The following SLC35D1 variants were observed in gnomAD, a reference collection of about 807,000 sequenced individuals.
The protein encoded by SLC35D1 is nucleotide sugar transporter SLC35D1.
A neutral mutation model predicts 46.7 loss-of-function variants in SLC35D1; 31 were observed. That is an observed-to-expected ratio of 0.66 (90% CI 0.50 to 0.90). The LOEUF is 0.90. Among genes scored for constraint, SLC35D1 ranks in the 40% least tolerant of loss-of-function variants. SLC35D1 has a pLI of 0.00. For synonymous variants in SLC35D1, 195 were observed against 164.6 expected (o/e 1.18, Z -1.41); for missense variants, 397 against 426.2 (o/e 0.93, Z 0.60).
intron 3 of SLC35D1, 87 bp downstream of exon 3, chr1:67,052,684 A>G (rs1645322370): frequency 1.4e-6 from 2 of 1,428,110 alleles, no homozygotes; most frequent in South Asian, 2.3e-5. Context: ...TGAGGCTGCA[A>G]TTTTTAAATA....
In SLC35D1 at chr1:67,053,915, C is replaced by G; in HGVS notation, c.99G>C (p.Ser33=). 1 of 1,613,792 alleles carries G rather than the reference C, an allele frequency of 6.2e-7. No individual in the cohort carries two copies. The highest frequency in any genetic ancestry group is 8.5e-7 in the Non-Finnish European group (1 of 1,179,754). ...TCAGAAACACGGTCAGCGTTTCGGC[C>G]GACGCCATCCCCAGCTCCTCCTCAT... is the stretch of plus-strand genomic sequence containing the variant. ...LRDEEELGMA[S]AETLTVFLKL... The change falls in exon 1 of 12, where the codon TCG becomes TCC. Residue 33 remains serine, a synonymous_variant. Coordinates refer to ENST00000235345, the MANE Select transcript of SLC35D1 (RefSeq NM_015139.3).
At chr1:67,029,438 T>C (rs999923549) in intron 8 of SLC35D1, among the ~76,000 whole-genome samples, 1 of 152,216 alleles carries the variant, frequency 6.6e-6, no homozygotes, top group Non-Finnish European at 1.5e-5. Flanking sequence ...CAACCTCCTC[T>C]CTGATGAAAA....
chr1:66,990,263 G>A, the SLC35D1 span, among the ~76,000 whole-genome samples: 1 of 152,008 alleles, frequency 6.6e-6, no homozygotes, highest in Non-Finnish European at 1.5e-5. Flanking sequence ...GAACATACGT[G>A]GACTACATCT....
Position 67,037,925 on chromosome 1 carries a change from AGTG to A in SLC35D1, c.729+4308_729+4310del, listed in dbSNP as rs371736731. On this transcript the variant is annotated intron_variant, in intron 8 of 11. Transcript: ENST00000235345. ...GCTAAGGCAGAAAGAAGATAATGTC[AGTG>A]GTGCCACCTATATAAAATAAAACCT... Among the ~76,000 whole-genome samples, 474 of 152,318 alleles carry A rather than the reference AGTG, an allele frequency of 3.1e-3. 2 individuals are homozygous for A. The highest frequency in any genetic ancestry group is 0.011 in the African/African-American group (443 of 41,566).
chr1:67,051,478 T>C (rs1490230651), intron 4 of SLC35D1, among the ~76,000 whole-genome samples: 1 of 152,234 alleles, frequency 6.6e-6, no homozygotes, highest in Non-Finnish European at 1.5e-5. Context: ...GGAGAGCTAT[T>C]GCTTCTTTCT....
In SLC35D1 at chr1:67,053,987, ATGC is replaced by A. The variant is rs759849927; in HGVS notation, c.24_26del (p.Gln8del). On this transcript the variant is annotated inframe_deletion, in exon 1 of 12. Transcript: ENST00000235345. Reference sequence around the variant, plus strand: ...CGGGGGCTTCTCCTTTAACCCGAGCATGCTGACGTCTATGAACTTCCGCCATGG... The same window carrying A: ...CGGGGGCTTCTCCTTTAACCCGAGCATGACGTCTATGAACTTCCGCCATGG... The A allele has an allele frequency of 1.1e-5, 17 of 1,612,718 alleles. No homozygotes were observed. Among genetic ancestry groups the A allele is most frequent in the Non-Finnish European group, 1.4e-5 (17 of 1,179,414 alleles).
intron 8 of SLC35D1, among the ~76,000 whole-genome samples, chr1:67,038,866 A>C (rs953471985): frequency 3.1e-5 from 4 of 129,008 alleles, no homozygotes; most frequent in Non-Finnish European, 3.1e-5. Context: ...CACACACACA[A>C]CTAGTTTGGT....
rs1329780595 is a variant in SLC35D1, at chr1:67,004,432, C to A, written c.976G>T (p.Val326Leu). The A allele has an allele frequency of 6.2e-7, 1 of 1,613,832 alleles. No homozygotes were observed. Among genetic ancestry groups the A allele is most frequent in the Non-Finnish European group, 8.5e-7 (1 of 1,179,852 alleles). ...GLNISIAGSL[V>L]YSYITFTEEQ... ...TCAGTGAAAGTGATATAGGAATATA[C>A]CAGGCTCCCAGCAATGCTGCAAAAC... Residue 326 changes from valine (V) to leucine (L), a missense_variant, in exon 12 of 12, where the codon GTA becomes TTA. Physicochemically the swap from Val to Leu is conservative, Grantham distance 32. Transcript: ENST00000235345.
chr1:67,011,800 C>T (rs547051692), intron 10 of SLC35D1, among the ~76,000 whole-genome samples: 8 of 152,172 alleles, frequency 5.3e-5, no homozygotes, highest in African/African-American at 1.7e-4. Context: ...GCCACAGAGC[C>T]CAAATCTTGA....
At chr1:67,040,134 A>G (rs577938122) in intron 8 of SLC35D1, among the ~76,000 whole-genome samples, 1 of 152,134 alleles carries the variant, frequency 6.6e-6, no homozygotes, top group East Asian at 1.9e-4. Flanking sequence ...AGCTGGGACT[A>G]CAGACACACC....
intron 8 of SLC35D1, among the ~76,000 whole-genome samples, chr1:67,031,538 C>T (rs2815363): frequency 0.6 from 91,418 of 151,980 alleles, 28,943 homozygotes; most frequent in East Asian, 0.84. Flanking sequence ...GTCTTTCCAT[C>T]TGTACTGCCG....
chr1:66,983,174 G>A, the SLC35D1 span, among the ~76,000 whole-genome samples: 1 of 151,462 alleles, frequency 6.6e-6, no homozygotes, highest in Admixed American at 6.6e-5. Context: ...AGGAAGGAAG[G>A]AACTTTTCAT....
rs1160463693 is a variant in SLC35D1 at position 67,052,960 on chromosome 1, C to A, written c.233G>T (p.Gly78Val). 6.2e-7 allele frequency: 1 copy of A among 1,613,900 alleles called. No homozygotes were observed. The highest frequency in any genetic ancestry group is 8.5e-7 in the Non-Finnish European group (1 of 1,180,040). The change falls in exon 2 of 12, where the codon GGC becomes GTC. Residue 78 changes from glycine (G) to valine (V), a missense_variant. By Grantham distance (109) the Gly-to-Val change is moderately radical. Coordinates refer to ENST00000235345, the MANE Select transcript of SLC35D1 (RefSeq NM_015139.3). ...ATGGTGAGGATTCCAACTAACCTGG[C>A]CAAGTCCAACACATAGTGAGGAGGG... ...RFPSSLCVGL[G>V]QMVATVAVLW...
At chr1:67,012,300 A>G (rs1391122202) in intron 10 of SLC35D1, among the ~76,000 whole-genome samples, 5 of 152,164 alleles carry the variant, frequency 3.3e-5, no homozygotes, top group African/African-American at 4.8e-5. Flanking sequence ...GTTACTGAAG[A>G]CCATCTATGA....
intron 8 of SLC35D1, among the ~76,000 whole-genome samples, chr1:67,022,145 T>C (rs1667820135): frequency 6.6e-6 from 1 of 152,186 alleles, no homozygotes; most frequent in African/African-American, 2.4e-5. Flanking sequence ...GTTGTTGTTG[T>C]TGTCTGTGTT....
At chr1:67,051,935 G>A in intron 4 of SLC35D1, 77 bp downstream of exon 4, 4 of 1,021,616 alleles carry the variant, frequency 3.9e-6, no homozygotes, top group Non-Finnish European at 4.6e-6. Flanking sequence ...ATAACAATGT[G>A]TTAAATATTT....
the SLC35D1 span, among the ~76,000 whole-genome samples, chr1:66,973,931 C>T: frequency 2.0e-5 from 3 of 152,068 alleles, no homozygotes; most frequent in African/African-American, 4.8e-5. Flanking sequence ...TCTGAATAGT[C>T]TTCTGCCACA....
the SLC35D1 span, chr1:66,985,302 A>C: frequency 1.0e-6 from 1 of 985,312 alleles, no homozygotes; most frequent in Non-Finnish European, 1.2e-6. Context: ...TGGGAAACTC[A>C]AGTCCAAATT....
chr1:67,039,493 T>TTGTGTGTGTGAG (rs1668195330), intron 8 of SLC35D1, among the ~76,000 whole-genome samples: 1 of 148,666 alleles, frequency 6.7e-6, no homozygotes. Flanking sequence ...AGTGAAAAAA[T>TTGTGTGTGTGAG]TGTGTGTGTG....
Sources: allele counts gnomAD v4.1 joint callset (sites outside exome capture counted in the v4.1 genomes callset), GRCh38; gene constraint gnomAD v4.1.1; transcripts MANE v1.5; gene names NCBI Gene and HGNC (gene_info 2026-07-23, HGNC 2026-07-21).